PTPRD: variants seen among roughly 807,000 people sequenced by gnomAD.
PTPRD encodes the protein receptor-type tyrosine-protein phosphatase delta.
PTPRD carries 34 observed loss-of-function variants against 214.5 expected under a neutral mutation model. The observed-to-expected ratio is 0.16, with a 90% CI of 0.12 to 0.21. The LOEUF is 0.21. Among genes scored for constraint, PTPRD ranks in the 10% least tolerant of loss-of-function variants. PTPRD has a pLI of 1.00. For synonymous variants in PTPRD, 1,128 were observed against 845.7 expected (o/e 1.33, Z -5.79); for missense variants, 2,545 against 2,398.7 (o/e 1.06, Z -1.27).
intron 6 of PTPRD, among the ~76,000 whole-genome samples, chr9:9,740,985 A>G (rs1416030682): frequency 6.6e-6 from 1 of 152,184 alleles, no homozygotes; most frequent in Admixed American, 6.5e-5. Context: ...GGAAACTAGA[A>G]TTTCAGACGC....
At chr9:10,389,539 A>G (rs894992865) in intron 2 of PTPRD, among the ~76,000 whole-genome samples, 10 of 151,850 alleles carry the variant, frequency 6.6e-5, no homozygotes, top group African/African-American at 2.4e-4. Context: ...AAACACTTCA[A>G]AAGTATTTTT....
chr9:9,431,017 C>T (rs1218265354), intron 8 of PTPRD, among the ~76,000 whole-genome samples: 3 of 152,034 alleles, frequency 2.0e-5, no homozygotes, highest in African/African-American at 7.2e-5. Context: ...TCTAAAACAC[C>T]AAAAGCAATG....
intron 11 of PTPRD, among the ~76,000 whole-genome samples, chr9:8,844,147 T>C (rs1178199927): frequency 6.6e-6 from 1 of 152,104 alleles, no homozygotes; most frequent in Admixed American, 6.5e-5. Context: ...ATCTAAAAGG[T>C]CATTTATTTC....
intron 4 of PTPRD, among the ~76,000 whole-genome samples, chr9:10,031,643 T>TAC (rs1419049711): frequency 7.0e-5 from 5 of 70,974 alleles, no homozygotes; most frequent in African/African-American, 4.9e-4. Context: ...TATATATATA[T>TAC]ATATACACAC....
intron 2 of PTPRD, among the ~76,000 whole-genome samples, chr9:10,407,813 T>C (rs2098388533): frequency 6.6e-6 from 1 of 151,618 alleles, no homozygotes; most frequent in African/African-American, 2.4e-5. Flanking sequence ...AAGGAAATTG[T>C]ATTTTGTTCC....
intron 14 of PTPRD, among the ~76,000 whole-genome samples, chr9:8,540,524 CAT>C (rs1041039875): frequency 6.6e-6 from 1 of 152,112 alleles, no homozygotes; most frequent in Non-Finnish European, 1.5e-5. Flanking sequence ...ATTCTAATAA[CAT>C]AATGCACGTT....
intron 8 of PTPRD, among the ~76,000 whole-genome samples, chr9:9,405,214 G>A (rs1245070288): frequency 2.0e-5 from 3 of 152,040 alleles, no homozygotes; most frequent in Non-Finnish European, 4.4e-5. Context: ...TTTGGGAAAA[G>A]CAGATACAAC....
intron 37 of PTPRD, among the ~76,000 whole-genome samples, chr9:8,388,274 C>T (rs10977024): frequency 6.6e-6 from 1 of 152,026 alleles, no homozygotes; most frequent in Non-Finnish European, 1.5e-5. Flanking sequence ...TTTACAGAAC[C>T]TCAACTTTCA....
chr9:9,391,963 G>C (rs542485386), intron 9 of PTPRD, among the ~76,000 whole-genome samples: 3 of 152,244 alleles, frequency 2.0e-5, no homozygotes, highest in African/African-American at 7.2e-5. Context: ...CACATTGTTA[G>C]TCTGTAAATG....
intron 10 of PTPRD, among the ~76,000 whole-genome samples, chr9:9,138,104 C>A (rs1157071982): frequency 1.3e-5 from 2 of 152,096 alleles, no homozygotes; most frequent in South Asian, 2.1e-4. Context: ...TAGACCAGAG[C>A]AGATGAATAA....
At position 8,925,206 on chromosome 9, in the gene PTPRD, T is replaced by G. The variant is rs925459618; in HGVS notation, c.-104+93491A>C. ...CTATGTGATGATGCAGCCAACGTCT[T>G]GACTCCAGCCTGAGCATTTTTCTGG... On this transcript the variant is annotated intron_variant, in intron 11 of 45. Transcript: ENST00000381196. 1.3e-5 allele frequency among the ~76,000 whole-genome samples: 2 copies of G among 152,156 alleles called. 1 individual carries two copies. Among genetic ancestry groups the G allele is most frequent in the Admixed American group, 1.3e-4 (2 of 15,270 alleles).
At chr9:10,099,584 A>C (rs2098530973) in intron 3 of PTPRD, among the ~76,000 whole-genome samples, 1 of 151,818 alleles carries the variant, frequency 6.6e-6, no homozygotes, top group Admixed American at 6.6e-5. Context: ...AGAAACAAAT[A>C]AAACTTTGAT....
Position 9,117,634 on chromosome 9 carries a change from G to A in PTPRD, c.-143+65670C>T, listed in dbSNP as rs533833871. On this transcript the variant is annotated intron_variant, in intron 10 of 45. Coordinates refer to ENST00000381196, the MANE Select transcript of PTPRD (RefSeq NM_002839.4). ...CCATGCAGCAACCTCATTACTGAAT[G>A]AAAGTTTACTAAATAAAGAAAAGAA... Among the ~76,000 whole-genome samples the A allele has an allele frequency of 1.8e-3, 280 of 152,122 alleles. 2 individuals carry two copies. The highest frequency in any genetic ancestry group is 6.6e-3 in the African/African-American group (274 of 41,512).
intron 3 of PTPRD, among the ~76,000 whole-genome samples, chr9:10,061,636 C>G (rs1251514248): frequency 6.6e-6 from 1 of 152,008 alleles, no homozygotes; most frequent in African/African-American, 2.4e-5. Context: ...GCCACTATTT[C>G]TAATGCCCAA....
intron 3 of PTPRD, among the ~76,000 whole-genome samples, chr9:10,186,613 T>A (rs552653038): frequency 5.3e-4 from 80 of 152,126 alleles, no homozygotes; most frequent in African/African-American, 1.8e-3. Flanking sequence ...TTTTGGCTCA[T>A]AAATAACATA....
chr9:8,595,810 G>C (rs776798120), intron 14 of PTPRD, among the ~76,000 whole-genome samples: 1 of 152,110 alleles, frequency 6.6e-6, no homozygotes. Flanking sequence ...GTAATGATGC[G>C]TAATCCATGT....
At chr9:8,815,704 T>G (rs188510016) in intron 11 of PTPRD, among the ~76,000 whole-genome samples, 1 of 152,290 alleles carries the variant, frequency 6.6e-6, no homozygotes, top group Admixed American at 6.5e-5. Flanking sequence ...AGGCAACTTT[T>G]AAGTCACTGT....
intron 3 of PTPRD, among the ~76,000 whole-genome samples, chr9:10,230,571 A>G (rs919806197): frequency 6.6e-6 from 1 of 151,890 alleles, no homozygotes; most frequent in African/African-American, 2.4e-5. Context: ...CCTGAGATTT[A>G]TACCTGTTTT....
chr9:10,018,221 G>A (rs984994017), intron 4 of PTPRD, among the ~76,000 whole-genome samples: 2 of 151,904 alleles, frequency 1.3e-5, no homozygotes, highest in Non-Finnish European at 2.9e-5. Flanking sequence ...AGGAGGAAGG[G>A]GAGGAAGACA....
Sources: gnomAD v4.1 joint callset for allele counts (sites outside exome capture counted in the v4.1 genomes callset) on GRCh38, gnomAD v4.1.1 for gene constraint, MANE v1.5 for transcripts, NCBI Gene and HGNC (gene_info 2026-07-23, HGNC 2026-07-21) for gene names.